Variants in KASH5 observed in about 807,000 individuals in gnomAD.
The protein encoded by KASH5 is KASH domain containing 5.
A neutral mutation model predicts 84.2 loss-of-function variants in KASH5; 72 were observed. That is an observed-to-expected ratio of 0.85 (90% CI 0.71 to 1.04). The LOEUF (loss-of-function observed/expected upper bound fraction) is 1.04. Among genes scored for constraint, KASH5 ranks in the 50% least tolerant of loss-of-function variants. The pLI is 0.00. For missense variants in KASH5, 650 were observed against 701.0 expected (o/e 0.93, Z 0.82); for synonymous variants, 260 against 279.1 (o/e 0.93, Z 0.68).
At chr19:49,393,084 A>G (rs548591294) in intron 2 of KASH5, among the ~76,000 whole-genome samples, 1 of 152,252 alleles carries the variant, frequency 6.6e-6, no homozygotes, top group Non-Finnish European at 1.5e-5. Context: ...AGTTAGAGGG[A>G]TGAGAAAGTT....
intron 7 of KASH5, 60 bp downstream of exon 7, chr19:49,398,203 G>A: frequency 6.9e-7 from 1 of 1,452,922 alleles, no homozygotes; most frequent in Non-Finnish European, 9.2e-7. Context: ...CCCTGCAGCA[G>A]CCGGCCTCTA....
Position 49,409,222 on chromosome 19 carries a change from G to A in KASH5, c.1085G>A (p.Arg362Lys), listed in dbSNP as rs371867502. 1 of 1,613,966 alleles carries A rather than the reference G, an allele frequency of 6.2e-7. No homozygotes were observed. ...DELPEGAQLR[R>K]VGWTELLPPS... ...CTACCTGAAGGGGCCCAGCTGAGAA[G>A]AGTGGGCTGGACCGAGCTGCTACCC... Residue 362 changes from arginine (R) to lysine (K), a missense_variant, in exon 14 of 20, where the codon AGA becomes AAA. Coordinates refer to ENST00000447857, the MANE Select transcript of KASH5 (RefSeq NM_144688.5).
Position 49,409,245 on chromosome 19 carries a change from C to A in KASH5, c.1108C>A (p.Pro370Thr). 6.2e-7 allele frequency: 1 copy of A among 1,613,966 alleles called. No individual in the cohort carries two copies. ...AAGAGTGGGCTGGACCGAGCTGCTA[C>A]CCCCATCGCTGGGCTTGGAGATCGA... is the stretch of plus-strand genomic sequence containing the variant. ...LRRVGWTELL[P>T]PSLGLEIEAI... Residue 370 changes from proline (P) to threonine (T), a missense_variant, in exon 14 of 20, where the codon CCC (proline) becomes ACC (threonine). Physicochemically the swap from Pro to Thr is conservative, Grantham distance 38. Transcript: ENST00000447857.
In KASH5 at chr19:49,403,154, G is replaced by A. The variant is rs1259907449; in HGVS notation, c.798+3647G>A. Among the ~76,000 whole-genome samples the A allele has an allele frequency of 3.9e-5, 6 of 152,286 alleles. No homozygotes were observed. The East Asian group carries it at 9.7e-4, about 24-fold the overall frequency. On this transcript the variant is annotated intron_variant, in intron 9 of 19. Transcript: ENST00000447857. ...GGGCAGATCACAAGGTCAGGAGATC[G>A]AGACTATCCTGGCTAACATGGTGAA...
intron 9 of KASH5, among the ~76,000 whole-genome samples, chr19:49,404,449 AG>A (rs1188009567): frequency 6.6e-6 from 1 of 152,066 alleles, no homozygotes; most frequent in Non-Finnish European, 1.5e-5. Context: ...TTGTTTTCCC[AG>A]CTAACTGCCC....
chr19:49,409,237 A>C lies in KASH5; in HGVS notation c.1100A>C (p.Glu367Ala), dbSNP rs751944963. 1.2e-6 allele frequency: 2 copies of C among 1,613,940 alleles called. No individual in the cohort carries two copies. Among genetic ancestry groups the C allele is most frequent in the South Asian group, 2.2e-5 (2 of 91,080 alleles). Residue 367 changes from glutamate to alanine, a missense_variant, in exon 14 of 20, where the codon GAG becomes GCG. By Grantham distance (107) the Glu-to-Ala change is moderately radical. Transcript: ENST00000447857. ...CAGCTGAGAAGAGTGGGCTGGACCGAGCTGCTACCCCCATCGCTGGGCTTG... is the reference window on the plus strand; with the variant it reads ...CAGCTGAGAAGAGTGGGCTGGACCGCGCTGCTACCCCCATCGCTGGGCTTG... ...GAQLRRVGWT[E>A]LLPPSLGLEI...
chr19:49,392,559 G>A (rs1416307094), intron 2 of KASH5, among the ~76,000 whole-genome samples: 3 of 152,146 alleles, frequency 2.0e-5, no homozygotes, highest in Admixed American at 6.5e-5. Flanking sequence ...TCTCTGGCAA[G>A]CAGCCCTGGG....
intron 1 of KASH5, chr19:49,389,934 G>C (rs921889337): frequency 6.5e-6 from 1 of 153,204 alleles, no homozygotes; most frequent in Non-Finnish European, 1.5e-5. Flanking sequence ...TTGGAACCCA[G>C]GGGAGCAGCA....
At chr19:49,401,021 C>T (rs1033648989) in intron 9 of KASH5, among the ~76,000 whole-genome samples, 1 of 152,226 alleles carries the variant, frequency 6.6e-6, no homozygotes, top group Admixed American at 6.5e-5. Context: ...TTTCTCCTCT[C>T]TGCTGTTCAT....
Position 49,407,640 on chromosome 19 carries a change from A to G in KASH5, c.962A>G (p.Gln321Arg), listed in dbSNP as rs1221420900. ...ACTCGCGATGTGGAGAGCCTGGCCCAGACCCTGGAAGAATACAGAGTGACG... is the reference window on the plus strand; with the variant it reads ...ACTCGCGATGTGGAGAGCCTGGCCCGGACCCTGGAAGAATACAGAGTGACG... Reference protein sequence around the residue: ...ERTRDVESLAQTLEEYRVTTQ... With the variant: ...ERTRDVESLARTLEEYRVTTQ... Residue 321 changes from glutamine to arginine, a missense_variant, in exon 12 of 20, where the codon CAG becomes CGG. Physicochemically the swap from Gln to Arg is conservative, Grantham distance 43 (BLOSUM62 1). Transcript: ENST00000447857. 7 of 1,604,292 alleles carry G rather than the reference A, an allele frequency of 4.4e-6. No individual in the cohort carries two copies. In the African/African-American group the frequency reaches 8.0e-5, roughly 18 times the overall value.
chr19:49,416,649 G>C lies in KASH5; in HGVS notation c.1375-366G>C, dbSNP rs1262695337. ...TACTTCCAGAATCCAATGGAAAACG[G>C]AGGTGATGATATTGAATAGCTCACA... On this transcript the variant is annotated intron_variant, in intron 17 of 19. Coordinates refer to ENST00000447857, the MANE Select transcript of KASH5 (RefSeq NM_144688.5). This position sits in a 1 kb window ranked among gnomAD's most constrained non-coding sequence, Gnocchi z 5.4. Among the ~76,000 whole-genome samples the C allele has an allele frequency of 6.6e-6, 1 of 152,216 alleles. No individual in the cohort carries two copies. The highest frequency in any genetic ancestry group is 1.9e-4 in the East Asian group (1 of 5,194).
chr19:49,401,622 C>T (rs377271772), intron 9 of KASH5, among the ~76,000 whole-genome samples: 2 of 152,198 alleles, frequency 1.3e-5, no homozygotes, highest in East Asian at 3.8e-4. Context: ...CATCCATACC[C>T]TCCACCCCTC....
chr19:49,408,444 C>T, intron 12 of KASH5: 1 of 148,040 alleles, frequency 6.8e-6, no homozygotes, highest in Non-Finnish European at 1.5e-5. Flanking sequence ...CTTGGCTGTG[C>T]TTTTTTTTTT....
intron 5 of KASH5, among the ~76,000 whole-genome samples, chr19:49,396,654 A>G (rs1974192417): frequency 6.6e-6 from 1 of 152,016 alleles, no homozygotes; most frequent in African/African-American, 2.4e-5. Context: ...TTCCATTGGA[A>G]CATCCACCTG....
chr19:49,408,261 GTC>G (rs1974596235), intron 12 of KASH5: 1 of 163,256 alleles, frequency 6.1e-6, no homozygotes, highest in Admixed American at 5.7e-5. Flanking sequence ...GTGGGTTCCT[GTC>G]TCTGCCTCTA....
chr19:49,403,384 AAG>A (rs148480219), intron 9 of KASH5, among the ~76,000 whole-genome samples: 42,218 of 133,680 alleles, frequency 0.32, 6,175 homozygotes, highest in South Asian at 0.51. Flanking sequence ...AATAAAAAAA[AAG>A]GGGGGGGGCA....
rs775865626 is a variant in KASH5 at position 49,398,065 on chromosome 19, A to G, written c.551A>G (p.Gln184Arg). The stretch of plus-strand genomic sequence containing the variant: ...CTGGTTGGGGAGAATGCCAAATTGC[A>G]GCGGAGCATGGAGACAGCTGAGGAG... ...RRLVGENAKL[Q>R]RSMETAEEGS... Residue 184 changes from glutamine to arginine, a missense_variant, in exon 7 of 20, where the codon CAG becomes CGG. Physicochemically the swap from Gln to Arg is conservative, Grantham distance 43. Transcript: ENST00000447857. The G allele has an allele frequency of 6.2e-7, 1 of 1,613,712 alleles. No individual in the cohort carries two copies. The highest frequency in any genetic ancestry group is 8.5e-7 in the Non-Finnish European group (1 of 1,179,714).
intron 5 of KASH5, 30 bp from the exon 6 acceptor site, chr19:49,397,621 G>A: frequency 6.2e-7 from 1 of 1,610,970 alleles, no homozygotes; most frequent in South Asian, 1.1e-5. Flanking sequence ...TTCCAGGGAA[G>A]CCAACATTCT....
Position 49,395,376 on chromosome 19 carries a change from T to C in KASH5, c.335+84T>C. 7.0e-7 allele frequency: 1 copy of C among 1,428,984 alleles called. No homozygotes were observed. The highest frequency in any genetic ancestry group is 1.2e-5 in the South Asian group (1 of 82,178). The allele number at this position is 1,428,984 out of a possible 1,614,324, so 88.5% of individuals were successfully genotyped here. On this transcript the variant is annotated intron_variant, in intron 4 of 19. Transcript: ENST00000447857. This position sits in a 1 kb window ranked among gnomAD's most constrained non-coding sequence, Gnocchi z 4.4. The stretch of plus-strand genomic sequence containing the variant: ...CCTGCTTACTGGAGCCAGCATCCTT[T>C]AGGCCCAAGGACCTACTGTGTTTGG...
Sources: gnomAD v4.1 joint callset for allele counts (sites outside exome capture counted in the v4.1 genomes callset) on GRCh38, gnomAD v4.1.1 for gene constraint, Gnocchi (gnomAD v3.1) non-coding constraint, MANE v1.5 for transcripts, NCBI Gene and HGNC (gene_info 2026-07-23, HGNC 2026-07-21) for gene names.